The following CNTN4 variants were observed in gnomAD, a reference collection of about 807,000 sequenced individuals.
The protein encoded by CNTN4 is contactin-4.
In CNTN4, 77 loss-of-function variants were observed where a neutral mutation model predicts 122.5. That is an observed-to-expected ratio of 0.63 (90% CI 0.52 to 0.76). The LOEUF (loss-of-function observed/expected upper bound fraction) is 0.76, where lower values mean the gene tolerates loss of function less well. CNTN4 is among the 30% of genes least tolerant of loss of function. CNTN4 has a pLI of 0.00. For synonymous variants in CNTN4, 512 were observed against 447.0 expected (o/e 1.15, Z -1.83); for missense variants, 1,256 against 1,259.1 (o/e 1.00, Z 0.04).
intron 2 of CNTN4, among the ~76,000 whole-genome samples, chr3:2,228,654 A>G (rs1267379070): frequency 6.6e-6 from 1 of 152,186 alleles, no homozygotes; most frequent in Non-Finnish European, 1.5e-5. Flanking sequence ...AGATCAGAAG[A>G]CTGAGGGTCT....
chr3:2,824,543 G>A (rs961405465), intron 7 of CNTN4, among the ~76,000 whole-genome samples: 2 of 152,192 alleles, frequency 1.3e-5, no homozygotes, highest in Non-Finnish European at 2.9e-5. Context: ...CATTCACACG[G>A]ATCATCTACA....
rs10530575 is a variant in CNTN4 at position 2,708,727 on chromosome 3, TCACACACACACACACACA to T, written c.56-27464_56-27447del. Among the ~76,000 whole-genome samples the T allele has an allele frequency of 2.2e-3, 332 of 151,006 alleles. 2 individuals carry two copies. Among genetic ancestry groups the T allele is most frequent in the African/African-American group, 7.4e-3 (303 of 41,200 alleles). ...GCACGCAGGCACGCGCACGCGCGCA[TCACACACACACACACACA>T]CACACACACACACACACACACACTG... On this transcript the variant is annotated intron_variant, in intron 4 of 24. Transcript: ENST00000418658.
At chr3:2,314,896 TAATC>T (rs1367460805) in intron 2 of CNTN4, among the ~76,000 whole-genome samples, 3 of 152,088 alleles carry the variant, frequency 2.0e-5, no homozygotes, top group Non-Finnish European at 4.4e-5. Context: ...GCTTCAGTGT[TAATC>T]AATGAACTGT....
chr3:2,811,243 A>G (rs765437689), intron 6 of CNTN4, among the ~76,000 whole-genome samples: 1 of 151,198 alleles, frequency 6.6e-6, no homozygotes, highest in Non-Finnish European at 1.5e-5. Flanking sequence ...ACCTGTCTCT[A>G]CTAAAAATAC....
intron 3 of CNTN4, among the ~76,000 whole-genome samples, chr3:2,399,499 T>G (rs1308362374): frequency 2.0e-5 from 3 of 152,128 alleles, no homozygotes; most frequent in South Asian, 2.1e-4. Context: ...GAAAATAAGT[T>G]ATGCTAACTT....
chr3:2,634,595 C>T (rs1276416907), intron 4 of CNTN4, among the ~76,000 whole-genome samples: 1 of 151,402 alleles, frequency 6.6e-6, no homozygotes, highest in Non-Finnish European at 1.5e-5. Context: ...CTTGGGGAGG[C>T]CAAGGCAGGT....
chr3:2,484,175 CACAG>C (rs906396191), intron 3 of CNTN4, among the ~76,000 whole-genome samples: 1 of 151,908 alleles, frequency 6.6e-6, no homozygotes, highest in Non-Finnish European at 1.5e-5. Context: ...GAAAAAAATA[CACAG>C]ACAGCAAATA....
intron 2 of CNTN4, among the ~76,000 whole-genome samples, chr3:2,161,810 T>G (rs17008596): frequency 0.1 from 15,930 of 152,190 alleles, 1,258 homozygotes; most frequent in East Asian, 0.32. Flanking sequence ...ATGTTAGAGT[T>G]GAGGAATTCC....
At chr3:2,465,451 C>T (rs770219898) in intron 3 of CNTN4, among the ~76,000 whole-genome samples, 3 of 152,048 alleles carry the variant, frequency 2.0e-5, no homozygotes, top group Non-Finnish European at 2.9e-5. Flanking sequence ...CCGAGATAGA[C>T]GGATTGCCTG....
chr3:2,530,396 C>T (rs1442333203), intron 3 of CNTN4, among the ~76,000 whole-genome samples: 2 of 151,108 alleles, frequency 1.3e-5, no homozygotes, highest in African/African-American at 4.9e-5. Context: ...GCAACCTCCA[C>T]CTCCTGGGTT....
chr3:2,457,266 A>G (rs2151405048), intron 3 of CNTN4, among the ~76,000 whole-genome samples: 1 of 152,222 alleles, frequency 6.6e-6, no homozygotes, highest in African/African-American at 2.4e-5. Flanking sequence ...TAATTTTTAT[A>G]ATTATTACCA....
intron 10 of CNTN4, among the ~76,000 whole-genome samples, chr3:2,891,620 G>A (rs1339756281): frequency 2.0e-5 from 3 of 152,172 alleles, no homozygotes; most frequent in African/African-American, 7.2e-5. Context: ...CTGGCAGAAG[G>A]TGAGGAAGTG....
chr3:2,101,283 G>A (rs1270259967), intron 2 of CNTN4, among the ~76,000 whole-genome samples: 5 of 151,866 alleles, frequency 3.3e-5, no homozygotes, highest in Non-Finnish European at 7.4e-5. Context: ...ATGTATACAG[G>A]GCATCCGTTC....
At chr3:2,193,568 G>A (rs538161334) in intron 2 of CNTN4, among the ~76,000 whole-genome samples, 1 of 152,164 alleles carries the variant, frequency 6.6e-6, no homozygotes, top group Non-Finnish European at 1.5e-5. Flanking sequence ...AGTGTTGTAA[G>A]GCATATTACT....
chr3:3,056,213 G>A lies in CNTN4; in HGVS notation c.3074G>A (p.Ser1025Asn), dbSNP rs2125929971. The A allele has an allele frequency of 2.5e-6, 4 of 1,613,102 alleles. No homozygotes were observed. The highest frequency in any genetic ancestry group is 2.2e-5 in the South Asian group (2 of 91,062). The change falls in exon 25 of 25, where the codon AGT becomes AAT. Residue 1025 changes from serine to asparagine, a missense_variant. Physicochemically the swap from Ser to Asn is conservative, Grantham distance 46 (BLOSUM62 1). Coordinates refer to ENST00000418658, the MANE Select transcript of CNTN4 (RefSeq NM_175607.3). Reference sequence around the variant, plus strand: ...ATGATTTCCCTCACAGCTAGGTCCAGTTTATGACAAAAGTTATCTGAAGGA... The same window carrying A: ...ATGATTTCCCTCACAGCTAGGTCCAATTTATGACAAAAGTTATCTGAAGGA... ...TIMISLTARS[S>N]L
intron 2 of CNTN4, among the ~76,000 whole-genome samples, chr3:2,154,688 C>T (rs1031945744): frequency 5.9e-5 from 9 of 152,126 alleles, no homozygotes; most frequent in Admixed American, 2.0e-4. Context: ...AGTATTTTGC[C>T]AAGTGTGCTT....
At chr3:2,819,616 C>T (rs753579463) in intron 7 of CNTN4, 35 bp downstream of exon 7, 22 of 1,405,562 alleles carry the variant, frequency 1.6e-5, no homozygotes, top group African/African-American at 5.7e-5. Context: ...GCATGCTTCA[C>T]TCTCTGTTAT....
intron 13 of CNTN4, among the ~76,000 whole-genome samples, chr3:2,951,033 C>T (rs2094736756): frequency 1.3e-5 from 2 of 152,066 alleles, no homozygotes; most frequent in Non-Finnish European, 2.9e-5. Flanking sequence ...AACCTAATTC[C>T]CCATCTGTTC....
chr3:2,167,496 A>G (rs1480506209), intron 2 of CNTN4, among the ~76,000 whole-genome samples: 1 of 152,218 alleles, frequency 6.6e-6, no homozygotes, highest in Non-Finnish European at 1.5e-5. Flanking sequence ...ACACATTATG[A>G]TGAATTGGAA....
Sources: allele counts gnomAD v4.1 joint callset (sites outside exome capture counted in the v4.1 genomes callset), GRCh38; gene constraint gnomAD v4.1.1; transcripts MANE v1.5; gene names NCBI Gene and HGNC (gene_info 2026-07-23, HGNC 2026-07-21).